Variants in CHM observed in about 807,000 individuals in gnomAD.
CHM encodes CHM Rab escort protein.
In CHM, 10 loss-of-function variants were observed where a neutral mutation model predicts 49.0. The ratio of observed to expected loss-of-function variants is 0.20; its 90% confidence interval spans 0.13 to 0.35. The LOEUF (loss-of-function observed/expected upper bound fraction) is 0.35, where lower values mean the gene tolerates loss of function less well. CHM is among the 10% of genes least tolerant of loss of function. The pLI is 1.00. For synonymous variants in CHM, 184 were observed against 167.5 expected (o/e 1.10, Z -0.76); for missense variants, 455 against 478.4 (o/e 0.95, Z 0.46).
At chrX:86,032,431 T>C (rs1287647802) in intron 1 of CHM, among the ~76,000 whole-genome samples, 2 of 111,268 alleles carry the variant, frequency 1.8e-5, no homozygotes, top group East Asian at 2.8e-4. Context: ...CAGTAAATGT[T>C]GCTTCTCTTC....
intron 8 of CHM, among the ~76,000 whole-genome samples, chrX:85,916,900 T>C (rs1365050128): frequency 8.9e-6 from 1 of 112,305 alleles, no homozygotes; most frequent in African/African-American, 3.2e-5. Flanking sequence ...CTCAAGGACC[T>C]AAAGACAGAA....
At chrX:85,943,958 GA>G (rs1319951718) in intron 8 of CHM, among the ~76,000 whole-genome samples, 6 of 106,537 alleles carry the variant, frequency 5.6e-5, no homozygotes, top group East Asian at 2.9e-4. Context: ...TACTATGGAA[GA>G]AAAAAAAAAT....
At chrX:86,020,628 C>T (rs778833166) in intron 2 of CHM, among the ~76,000 whole-genome samples, 1 of 105,055 alleles carries the variant, frequency 9.5e-6, no homozygotes, top group Admixed American at 1.1e-4. Context: ...ATATGATATA[C>T]ATCTGATATA....
At chrX:85,958,999 C>T (rs1448839352) in intron 5 of CHM, 22 bp from the exon 6 acceptor site, 2 of 1,203,375 alleles carry the variant, frequency 1.7e-6, no homozygotes, top group Non-Finnish European at 2.2e-6. Flanking sequence ...AAATATTTTA[C>T]AAGATAAAAG....
intron 8 of CHM, among the ~76,000 whole-genome samples, chrX:85,942,658 G>A (rs1276781216): frequency 9.0e-6 from 1 of 110,978 alleles, no homozygotes; most frequent in African/African-American, 3.3e-5. Flanking sequence ...TTGACGCAGG[G>A]TCAGTTTCTG....
intron 8 of CHM, among the ~76,000 whole-genome samples, chrX:85,952,657 C>G (rs1929807448): frequency 8.9e-6 from 1 of 112,459 alleles, no homozygotes. Flanking sequence ...GTATCTATGG[C>G]AAAAGACTTC....
intron 8 of CHM, among the ~76,000 whole-genome samples, chrX:85,927,398 C>A (rs1928158626): frequency 9.0e-6 from 1 of 111,183 alleles, no homozygotes. Flanking sequence ...CCCATTTGTC[C>A]CATTTTAATT....
rs145059919 is a variant in CHM, at chrX:86,018,042, A to C, written c.116+9449T>G. 4.7e-3 allele frequency among the ~76,000 whole-genome samples: 524 copies of C among 112,399 alleles called. 4 individuals are homozygous for C. Among genetic ancestry groups the C allele is most frequent in the African/African-American group, 0.016 (502 of 30,986 alleles). ...TGAAGCCATATACTTCCAAACCATG[A>C]AGCAATTCTAAAAAATGCCAAATAA... On this transcript the variant is annotated intron_variant, in intron 2 of 14. Coordinates refer to ENST00000357749, the MANE Select transcript of CHM (RefSeq NM_000390.4).
chrX:85,990,604 A>G (rs1466097231), intron 2 of CHM, among the ~76,000 whole-genome samples: 1 of 111,841 alleles, frequency 8.9e-6, no homozygotes. Flanking sequence ...ACCCTCTCTT[A>G]ACACTAATCA....
At chrX:85,870,877 G>T (rs1273263229) in intron 14 of CHM, among the ~76,000 whole-genome samples, 1 of 110,898 alleles carries the variant, frequency 9.0e-6, no homozygotes, top group South Asian at 3.9e-4. Context: ...TTATGTTTTC[G>T]GTGCATCTTC....
chrX:86,031,733 G>A (rs987602806), intron 1 of CHM, among the ~76,000 whole-genome samples: 14 of 111,447 alleles, frequency 1.3e-4, no homozygotes, highest in Admixed American at 6.6e-4. Flanking sequence ...CCAGCTACTC[G>A]GGAGGCTGAG....
intron 8 of CHM, among the ~76,000 whole-genome samples, chrX:85,930,546 C>T (rs1302413331): frequency 8.9e-6 from 1 of 112,114 alleles, no homozygotes; most frequent in Non-Finnish European, 1.9e-5. Flanking sequence ...AACTGGCACG[C>T]TTTAGTCTTG....
intron 9 of CHM, among the ~76,000 whole-genome samples, chrX:85,901,552 T>C (rs1926289965): frequency 9.0e-6 from 1 of 111,205 alleles, no homozygotes; most frequent in African/African-American, 3.3e-5. Flanking sequence ...TTTCCCCCCT[T>C]CACAGCTCTA....
intron 1 of CHM, among the ~76,000 whole-genome samples, chrX:86,034,256 T>A (rs1217963097): frequency 8.9e-6 from 1 of 111,852 alleles, no homozygotes; most frequent in Non-Finnish European, 1.9e-5. Context: ...TGACCTCTAT[T>A]CTTGAGCAAA....
chrX:85,922,137 A>T (rs910353815), intron 8 of CHM, among the ~76,000 whole-genome samples: 1 of 112,366 alleles, frequency 8.9e-6, no homozygotes, highest in African/African-American at 3.2e-5. Context: ...TATACTGTAG[A>T]TCAGATAGCA....
chrX:86,028,331 A>C (rs1340168685), intron 1 of CHM, among the ~76,000 whole-genome samples: 2 of 111,697 alleles, frequency 1.8e-5, no homozygotes, highest in African/African-American at 6.5e-5. Context: ...AACAAACAAA[A>C]AAAAGTTCTA....
chrX:85,972,943 T>A (rs917987805), intron 4 of CHM, among the ~76,000 whole-genome samples: 1 of 111,709 alleles, frequency 9.0e-6, no homozygotes, highest in Non-Finnish European at 1.9e-5. Flanking sequence ...ATGACATTGT[T>A]TATAACCAAG....
chrX:85,959,110 A>G (rs1930159847), intron 5 of CHM, 133 bp from the exon 6 acceptor site: 2 of 813,977 alleles, frequency 2.5e-6, no homozygotes, highest in Non-Finnish European at 3.4e-6. Context: ...TATAATACAT[A>G]ACACAATCTA....
chrX:85,950,723 T>C (rs1475077784), intron 8 of CHM, among the ~76,000 whole-genome samples: 7 of 111,656 alleles, frequency 6.3e-5, no homozygotes, highest in Non-Finnish European at 3.8e-5. Flanking sequence ...AGTTGAACCA[T>C]AGGATAATGT....
Sources: allele counts gnomAD v4.1 joint callset (sites outside exome capture counted in the v4.1 genomes callset), GRCh38; gene constraint gnomAD v4.1.1; transcripts MANE v1.5; gene names NCBI Gene and HGNC (gene_info 2026-07-23, HGNC 2026-07-21).